Variants in IGSF11 observed in about 807,000 individuals in gnomAD.
The protein encoded by IGSF11 is CXADR like 1.
Under a neutral mutation model 41.0 loss-of-function variants are expected in IGSF11, and 22 were observed. The observed-to-expected ratio is 0.54, with a 90% CI of 0.38 to 0.77. IGSF11 has a LOEUF of 0.77. Among genes scored for constraint, IGSF11 ranks in the 30% least tolerant of loss-of-function variants. The probability of loss-of-function intolerance (pLI) is 0.00; values close to 1 mark genes in which losing one functional copy is unlikely to be tolerated. For missense variants in IGSF11, 444 were observed against 530.8 expected (o/e 0.84, Z 1.61); for synonymous variants, 219 against 201.3 (o/e 1.09, Z -0.74).
intron 1 of IGSF11, among the ~76,000 whole-genome samples, chr3:119,017,701 A>G (rs942075918): frequency 3.9e-5 from 6 of 152,094 alleles, no homozygotes; most frequent in Non-Finnish European, 7.4e-5. Context: ...TAGGCATTCA[A>G]AATTTTTTTT....
intron 1 of IGSF11, among the ~76,000 whole-genome samples, chr3:118,948,554 A>G (rs1944331987): frequency 6.6e-6 from 1 of 152,196 alleles, no homozygotes; most frequent in South Asian, 2.1e-4. Flanking sequence ...GTAATAGTCA[A>G]TGAGGAGGAT....
At chr3:119,050,449 C>T (rs1227747152) in intron 1 of IGSF11, among the ~76,000 whole-genome samples, 2 of 152,094 alleles carry the variant, frequency 1.3e-5, no homozygotes, top group African/African-American at 4.8e-5. Context: ...CAATGAGATA[C>T]CATCTCACAC....
chr3:119,054,786 C>A (rs1441210125), intron 1 of IGSF11, among the ~76,000 whole-genome samples: 1 of 152,176 alleles, frequency 6.6e-6, no homozygotes, highest in African/African-American at 2.4e-5. Context: ...AGCCTAAATG[C>A]CCATCAACCA....
intron 1 of IGSF11, among the ~76,000 whole-genome samples, chr3:119,003,875 T>G (rs56383459): frequency 1.3e-5 from 2 of 148,336 alleles, no homozygotes; most frequent in Non-Finnish European, 3.0e-5. Flanking sequence ...CAGTATTTTA[T>G]TGAGGATTTT....
At chr3:119,101,297 G>T (rs1429250164) in intron 1 of IGSF11, among the ~76,000 whole-genome samples, 1 of 152,114 alleles carries the variant, frequency 6.6e-6, no homozygotes, top group Non-Finnish European at 1.5e-5. Flanking sequence ...ATTACCTGAG[G>T]TCGGGAGTTC....
intron 1 of IGSF11, among the ~76,000 whole-genome samples, chr3:118,996,044 A>G (rs1936241803): frequency 6.6e-6 from 1 of 152,086 alleles, no homozygotes; most frequent in African/African-American, 2.4e-5. Context: ...TCAGCCTCCC[A>G]AAGTGCTGGG....
intron 3 of IGSF11, among the ~76,000 whole-genome samples, chr3:118,927,845 T>C (rs747830389): frequency 5.3e-5 from 8 of 152,192 alleles, no homozygotes; most frequent in Admixed American, 3.3e-4. Context: ...ATAATGGATA[T>C]TAGTGTGAGA....
At chr3:119,013,550 A>G (rs1237685160) in intron 1 of IGSF11, among the ~76,000 whole-genome samples, 46 of 152,378 alleles carry the variant, frequency 3.0e-4, no homozygotes, top group Non-Finnish European at 2.9e-5. Flanking sequence ...AATTGAAAAC[A>G]TAAGGCAAAC....
intron 1 of IGSF11, among the ~76,000 whole-genome samples, chr3:119,044,911 A>G (rs967816023): frequency 6.6e-6 from 1 of 152,228 alleles, no homozygotes; most frequent in Admixed American, 6.5e-5. Context: ...GGAGTTCTAA[A>G]TCTTGGAACA....
chr3:118,902,553 T>C lies in IGSF11; in HGVS notation c.1263A>G (p.Val421=), dbSNP rs757427265. 1.3e-5 allele frequency: 20 copies of C among 1,564,824 alleles called. No individual in the cohort carries two copies. The highest frequency in any genetic ancestry group is 1.7e-5 in the Non-Finnish European group (20 of 1,149,660). The change falls in exon 7 of 7, where the codon GTA becomes GTG. Residue 421 remains valine (V), a synonymous_variant. Coordinates refer to ENST00000393775, the MANE Select transcript of IGSF11 (RefSeq NM_001015887.3). Reference sequence around the variant, plus strand: ...AGGACCCGGCCCGACTCTGGGCTGGTACCATGACAGGTACTGCACCAATTC... The same window carrying C: ...AGGACCCGGCCCGACTCTGGGCTGGCACCATGACAGGTACTGCACCAATTC... The part of the protein sequence containing the change: ...LERIGAVPVM[V]PAQSRAGSLV
chr3:119,073,759 C>A (rs1396308704), intron 1 of IGSF11, among the ~76,000 whole-genome samples: 1 of 152,188 alleles, frequency 6.6e-6, no homozygotes, highest in Non-Finnish European at 1.5e-5. Context: ...CTGCACACAG[C>A]CCCGGTTTCC....
intron 1 of IGSF11, among the ~76,000 whole-genome samples, chr3:119,129,020 T>A (rs1645120147): frequency 6.6e-6 from 1 of 152,150 alleles, no homozygotes; most frequent in Admixed American, 6.5e-5. Context: ...GGGACATGGA[T>A]GAAACTGAAA....
intron 1 of IGSF11, among the ~76,000 whole-genome samples, chr3:118,931,737 A>ATT (rs35532396): frequency 0.3 from 42,165 of 142,860 alleles, 6,444 homozygotes; most frequent in South Asian, 0.43. Flanking sequence ...AAAGTCACTG[A>ATT]TTTTTTTTTT....
intron 6 of IGSF11, 51 bp from the exon 7 acceptor site, chr3:118,903,012 T>C: frequency 6.6e-7 from 1 of 1,513,724 alleles, no homozygotes. Context: ...AAGTTAATCC[T>C]ATCCTCCTAC....
chr3:118,945,685 C>A (rs1477171263), intron 1 of IGSF11, among the ~76,000 whole-genome samples: 1 of 152,088 alleles, frequency 6.6e-6, no homozygotes, highest in East Asian at 1.9e-4. Flanking sequence ...AACTAAATCC[C>A]AACTGTTCCA....
At chr3:119,000,963 C>T (rs567858285) in intron 1 of IGSF11, among the ~76,000 whole-genome samples, 5 of 152,246 alleles carry the variant, frequency 3.3e-5, no homozygotes, top group Admixed American at 3.3e-4. Context: ...CTTTCATTGC[C>T]CAGCAACCAT....
chr3:118,965,544 A>AAC (rs1045394842), intron 1 of IGSF11, among the ~76,000 whole-genome samples: 10 of 152,040 alleles, frequency 6.6e-5, no homozygotes, highest in African/African-American at 2.4e-4. Flanking sequence ...AAAAAAAAAA[A>AAC]AGTCATTAAA....
rs553621186 is a variant in IGSF11 at position 119,097,913 on chromosome 3, C to A, written c.49+7231G>T. ...TCAAGCGATCCTCCCACCTCAGCCTCCCAAGTAGCTAGGACTACAGGCACA... is the reference window on the plus strand; with the variant it reads ...TCAAGCGATCCTCCCACCTCAGCCTACCAAGTAGCTAGGACTACAGGCACA... On this transcript the variant is annotated intron_variant, in intron 1 of 6. Transcript: ENST00000354673. Among the ~76,000 whole-genome samples the A allele has an allele frequency of 1.7e-4, 25 of 151,038 alleles. No homozygotes were observed. The South Asian group carries it at 3.4e-3, about 20-fold the overall frequency.
intron 3 of IGSF11, among the ~76,000 whole-genome samples, chr3:118,927,326 T>C (rs1942415795): frequency 6.6e-6 from 1 of 152,126 alleles, no homozygotes; most frequent in Non-Finnish European, 1.5e-5. Flanking sequence ...AAGTTAAGTC[T>C]GGACAAACAA....
Sources: allele counts gnomAD v4.1 joint callset (sites outside exome capture counted in the v4.1 genomes callset), GRCh38; gene constraint gnomAD v4.1.1; transcripts MANE v1.5; gene names NCBI Gene and HGNC (gene_info 2026-07-23, HGNC 2026-07-21).